Variants in PTPRK observed in about 807,000 individuals in gnomAD.
PTPRK encodes the protein protein tyrosine phosphatase receptor type K.
Under a neutral mutation model 178.0 loss-of-function variants are expected in PTPRK, and 75 were observed. The ratio of observed to expected loss-of-function variants is 0.42; its 90% CI spans 0.35 to 0.51. The LOEUF is 0.51. PTPRK is among the 20% of genes least tolerant of loss of function. The pLI, the probability that PTPRK is intolerant of heterozygous loss-of-function variation, is 0.02. For missense variants in PTPRK, 1,441 were observed against 1,797.8 expected, an observed-to-expected ratio of 0.80 and a Z score of 3.59; for synonymous variants, 637 against 620.6, an observed-to-expected ratio of 1.03 and a Z score of -0.39.
At chr6:128,507,464 GT>G (rs1161258122) in intron 1 of PTPRK, among the ~76,000 whole-genome samples, 2 of 152,044 alleles carry the variant, frequency 1.3e-5, no homozygotes, top group Admixed American at 1.3e-4. Context: ...AACTACTGTT[GT>G]CCCCTTCATA....
At chr6:128,146,028 A>G (rs1796436855) in intron 7 of PTPRK, among the ~76,000 whole-genome samples, 2 of 152,140 alleles carry the variant, frequency 1.3e-5, no homozygotes, top group Non-Finnish European at 2.9e-5. Context: ...TCTCACTTAC[A>G]TCTGGGTCAG....
intron 13 of PTPRK, among the ~76,000 whole-genome samples, chr6:128,047,047 A>G (rs1778146517): frequency 6.6e-6 from 1 of 152,192 alleles, no homozygotes; most frequent in South Asian, 2.1e-4. Flanking sequence ...AATGCTTTTA[A>G]AAAAACAAAT....
chr6:128,045,297 G>A (rs1562487430), intron 13 of PTPRK, among the ~76,000 whole-genome samples: 1 of 151,476 alleles, frequency 6.6e-6, no homozygotes, highest in Non-Finnish European at 1.5e-5. Flanking sequence ...TGAAGTCATG[G>A]GCTTCTATAT....
At chr6:128,295,683 G>A (rs1344173172) in intron 3 of PTPRK, among the ~76,000 whole-genome samples, 2 of 152,030 alleles carry the variant, frequency 1.3e-5, no homozygotes, top group African/African-American at 4.8e-5. Flanking sequence ...TCTAGCTCTG[G>A]TAAATCCGGT....
At chr6:127,985,690 TAC>T (rs756021478) in intron 22 of PTPRK, 29 bp downstream of exon 22, 1 of 1,559,298 alleles carries the variant, frequency 6.4e-7, no homozygotes, top group Non-Finnish European at 8.8e-7. Flanking sequence ...GCTGATTGCA[TAC>T]AGTCAATACC....
At chr6:128,438,105 G>A (rs1845835534) in intron 1 of PTPRK, among the ~76,000 whole-genome samples, 1 of 152,300 alleles carries the variant, frequency 6.6e-6, no homozygotes, top group South Asian at 2.1e-4. Context: ...ACGGCCCCAC[G>A]CAGTTCAAGC....
At position 127,992,812 on chromosome 6, in the gene PTPRK, T is replaced by C. The variant is rs7738453; in HGVS notation, c.2845-103A>G. On this transcript the variant is annotated intron_variant, in intron 18 of 29. Transcript: ENST00000368226. ...ACAACCACCTGTTAAGATTAAGTTA[T>C]AATAAAAAGTCCAGAAATGAGTAGT... 4,293 of 931,124 alleles carry C rather than the reference T, an allele frequency of 4.6e-3. 134 individuals are homozygous for C. In the African/African-American group the frequency reaches 0.066, roughly 14 times the overall value. The allele number at this position is 931,124 out of a possible 1,614,324, so 57.7% of individuals were successfully genotyped here.
Position 128,409,424 on chromosome 6 carries a change from G to A in PTPRK, c.101-11736C>T, listed in dbSNP as rs552540272. ...TGATGCTGCTTTATCTGGAAGGGAT[G>A]GGTTTATAACTTTGCCAGAAGATGT... On this transcript the variant is annotated intron_variant, in intron 1 of 29. Coordinates refer to ENST00000368226, the MANE Select transcript of PTPRK (RefSeq NM_002844.4). 25 of 395,858 alleles carry A rather than the reference G, an allele frequency of 6.3e-5. 1 individual carries two copies. The Admixed American group carries it at 7.5e-4, about 12-fold the overall frequency. 24.5% of individuals were successfully genotyped at this position (395,858 alleles called of 1,614,324 possible).
chr6:128,184,348 T>G, intron 7 of PTPRK, 84 bp downstream of exon 7: 2 of 1,318,568 alleles, frequency 1.5e-6, no homozygotes, highest in Non-Finnish European at 2.1e-6. Flanking sequence ...TATCAAATAA[T>G]GAGAACCTTC....
chr6:128,158,178 C>A (rs979863278), intron 7 of PTPRK, among the ~76,000 whole-genome samples: 1 of 151,706 alleles, frequency 6.6e-6, no homozygotes, highest in Non-Finnish European at 1.5e-5. Context: ...CCAAACGCTG[C>A]AAGTTCTCAC....
intron 2 of PTPRK, among the ~76,000 whole-genome samples, chr6:128,344,908 A>C (rs968949598): frequency 2.0e-5 from 3 of 152,118 alleles, no homozygotes; most frequent in Non-Finnish European, 2.9e-5. Flanking sequence ...GAAATTTTTT[A>C]ATTAATCTAG....
intron 1 of PTPRK, among the ~76,000 whole-genome samples, chr6:128,454,806 A>G (rs548925504): frequency 7.2e-5 from 11 of 152,248 alleles, no homozygotes; most frequent in African/African-American, 2.6e-4. Flanking sequence ...TCTGCTCATG[A>G]TAAGTTTACT....
intron 3 of PTPRK, among the ~76,000 whole-genome samples, chr6:128,267,428 A>G (rs1819135933): frequency 6.6e-6 from 1 of 152,132 alleles, no homozygotes; most frequent in Non-Finnish European, 1.5e-5. Context: ...CCTGATAGCC[A>G]TAATAAAAAT....
At chr6:128,157,227 T>C (rs978811507) in intron 7 of PTPRK, among the ~76,000 whole-genome samples, 3 of 152,046 alleles carry the variant, frequency 2.0e-5, no homozygotes, top group East Asian at 3.9e-4. Context: ...GCATAGGCTA[T>C]TGATTTTTCA....
chr6:128,008,294 T>C (rs1006490191), intron 14 of PTPRK, among the ~76,000 whole-genome samples: 1 of 150,242 alleles, frequency 6.7e-6, no homozygotes, highest in Non-Finnish European at 1.5e-5. Flanking sequence ...ACCACTTCTA[T>C]ACACCAAACT....
chr6:128,468,921 C>CAAAAAAAAA (rs375371831), intron 1 of PTPRK, among the ~76,000 whole-genome samples: 1 of 90,600 alleles, frequency 1.1e-5, no homozygotes. Flanking sequence ...AACACCTTTT[C>CAAAAAAAAA]AAAAAAAAAA....
chr6:128,456,837 A>G (rs1211315437), intron 1 of PTPRK, among the ~76,000 whole-genome samples: 2 of 152,136 alleles, frequency 1.3e-5, no homozygotes, highest in African/African-American at 4.8e-5. Flanking sequence ...AGAGAAGAGC[A>G]TTCATTTATT....
chr6:128,123,107 AAAG>A (rs1439506875), intron 7 of PTPRK, among the ~76,000 whole-genome samples: 1 of 152,168 alleles, frequency 6.6e-6, no homozygotes, highest in Non-Finnish European at 1.5e-5. Context: ...AAGAATCTGA[AAAG>A]GAGAAAACAG....
At chr6:128,199,313 A>G (rs1280088074) in intron 6 of PTPRK, among the ~76,000 whole-genome samples, 1 of 152,196 alleles carries the variant, frequency 6.6e-6, no homozygotes, top group African/African-American at 2.4e-5. Context: ...ATGCAGCAAT[A>G]CAGATTTCAC....
Sources: gnomAD v4.1 joint callset for allele counts (sites outside exome capture counted in the v4.1 genomes callset) on GRCh38, gnomAD v4.1.1 for gene constraint, MANE v1.5 for transcripts, NCBI Gene and HGNC (gene_info 2026-07-23, HGNC 2026-07-21) for gene names.